MCTP1: variants seen among roughly 807,000 people sequenced by gnomAD.
MCTP1 encodes multiple C2 and transmembrane domain-containing protein 1.
In MCTP1, 69 loss-of-function variants were observed where a neutral mutation model predicts 120.6. The ratio of observed to expected loss-of-function variants is 0.57; its 90% CI spans 0.47 to 0.70. The LOEUF is 0.70. Ranked by LOEUF, MCTP1 falls within the 30% of genes least tolerant of loss-of-function variation. The pLI is 0.00. For synonymous variants in MCTP1, 529 were observed against 493.1 expected (o/e 1.07, Z -0.96); for missense variants, 1,203 against 1,248.8 (o/e 0.96, Z 0.55).
intron 1 of MCTP1, among the ~76,000 whole-genome samples, chr5:95,224,817 G>T (rs1754078965): frequency 6.6e-6 from 1 of 152,022 alleles, no homozygotes; most frequent in Admixed American, 6.6e-5. Context: ...AGCCTAGGCT[G>T]CCTCTTTAAC....
intron 10 of MCTP1, among the ~76,000 whole-genome samples, chr5:94,908,594 G>A (rs746560244): frequency 1.3e-5 from 2 of 151,874 alleles, no homozygotes; most frequent in Non-Finnish European, 2.9e-5. Context: ...AGGTTTCAAT[G>A]TGTTTTGCTA....
rs1188219704 is a variant in MCTP1 at position 94,796,596 on chromosome 5, CATAT to C, written c.2556+2413_2556+2416del. On this transcript the variant is annotated intron_variant, in intron 18 of 22. Coordinates refer to ENST00000515393, the MANE Select transcript of MCTP1 (RefSeq NM_024717.7). ...GTATCCACATACACACACACACACACATATATATAATATATATAATATATATAAT... is the reference window on the plus strand; with the variant it reads ...GTATCCACATACACACACACACACACATATAATATATATAATATATATAAT... Among the ~76,000 whole-genome samples, 406 of 122,194 alleles carry C rather than the reference CATAT, an allele frequency of 3.3e-3. 1 individual carries two copies. Among genetic ancestry groups the C allele is most frequent in the African/African-American group, 0.011 (367 of 32,868 alleles). The allele number at this position is 122,194 out of a possible 152,430, so 80.2% of individuals were successfully genotyped here.
chr5:94,903,533 T>C (rs956069043), intron 10 of MCTP1, among the ~76,000 whole-genome samples: 12 of 152,242 alleles, frequency 7.9e-5, no homozygotes, highest in Non-Finnish European at 1.6e-4. Flanking sequence ...CTGTAGATTT[T>C]GAAAGCATTT....
chr5:95,026,503 T>C (rs184385242), intron 1 of MCTP1, among the ~76,000 whole-genome samples: 43 of 152,306 alleles, frequency 2.8e-4, no homozygotes, highest in Admixed American at 1.1e-3. Context: ...TCCATTGTTT[T>C]AATTTTTAGC....
At chr5:95,229,060 G>C (rs972699235) in intron 1 of MCTP1, among the ~76,000 whole-genome samples, 3 of 152,202 alleles carry the variant, frequency 2.0e-5, no homozygotes, top group Non-Finnish European at 2.9e-5. Flanking sequence ...ATGAGCACTT[G>C]ATATGCTTTA....
chr5:95,228,487 A>AGAGC (rs1164969414), intron 1 of MCTP1, among the ~76,000 whole-genome samples: 65 of 148,712 alleles, frequency 4.4e-4, no homozygotes, highest in Admixed American at 1.6e-3. Context: ...AGAGAGAGAG[A>AGAGC]GAGAGCGAGA....
At chr5:95,094,833 C>G (rs2152348966) in intron 1 of MCTP1, among the ~76,000 whole-genome samples, 1 of 152,042 alleles carries the variant, frequency 6.6e-6, no homozygotes, top group South Asian at 2.1e-4. Flanking sequence ...TCAAGATTTT[C>G]TGTTAATATA....
intron 2 of MCTP1, among the ~76,000 whole-genome samples, chr5:94,961,664 C>CT (rs1186623283): frequency 6.6e-6 from 1 of 152,130 alleles, no homozygotes; most frequent in African/African-American, 2.4e-5. Context: ...TTAAAGATCC[C>CT]TGGAGAAGGT....
chr5:94,798,863 T>G (rs568562598), intron 18 of MCTP1, 150 bp downstream of exon 18: 18 of 657,344 alleles, frequency 2.7e-5, no homozygotes, highest in Admixed American at 1.3e-4. Context: ...GACCAAAGAG[T>G]TGTTAGTTTT....
chr5:95,076,316 C>T (rs911803847), intron 1 of MCTP1, among the ~76,000 whole-genome samples: 6 of 152,122 alleles, frequency 3.9e-5, no homozygotes, highest in Non-Finnish European at 8.8e-5. Flanking sequence ...CATGAACATT[C>T]ATTTGTTTAC....
intron 19 of MCTP1, among the ~76,000 whole-genome samples, chr5:94,718,941 G>A (rs761083922): frequency 1.1e-4 from 17 of 152,144 alleles, no homozygotes; most frequent in Non-Finnish European, 1.6e-4. Context: ...GGCTGGTCTC[G>A]AACTCCTGAC....
At chr5:94,741,441 T>G (rs1765512028) in intron 19 of MCTP1, among the ~76,000 whole-genome samples, 1 of 152,200 alleles carries the variant, frequency 6.6e-6, no homozygotes. Context: ...ATATCTGCTT[T>G]TGGTAAATAA....
intron 17 of MCTP1, among the ~76,000 whole-genome samples, chr5:94,841,207 C>A (rs996045184): frequency 3.3e-5 from 5 of 152,142 alleles, no homozygotes; most frequent in Admixed American, 2.0e-4. Flanking sequence ...GGCATATCCC[C>A]AGGACAGAAA....
intron 17 of MCTP1, among the ~76,000 whole-genome samples, chr5:94,824,147 C>G (rs1406948483): frequency 1.3e-5 from 2 of 152,160 alleles, no homozygotes; most frequent in African/African-American, 4.8e-5. Flanking sequence ...ATTCTTCCAG[C>G]TTTTGCCCAT....
chr5:94,741,792 T>C (rs1765581082), intron 19 of MCTP1, among the ~76,000 whole-genome samples: 1 of 152,234 alleles, frequency 6.6e-6, no homozygotes, highest in African/African-American at 2.4e-5. Context: ...GAGGGGCAAA[T>C]GCTTGCATGC....
chr5:95,032,375 T>C (rs1840465293), intron 1 of MCTP1, among the ~76,000 whole-genome samples: 1 of 152,028 alleles, frequency 6.6e-6, no homozygotes, highest in African/African-American at 2.4e-5. Context: ...ATAACTGAAA[T>C]CATATAAAGC....
intron 1 of MCTP1, among the ~76,000 whole-genome samples, chr5:95,178,451 C>T (rs905331255): frequency 2.0e-5 from 3 of 152,184 alleles, no homozygotes; most frequent in African/African-American, 7.2e-5. Context: ...CAACACAAAA[C>T]CAGCACACTA....
At chr5:94,957,097 C>T (rs1581565700) in intron 2 of MCTP1, among the ~76,000 whole-genome samples, 2 of 152,264 alleles carry the variant, frequency 1.3e-5, no homozygotes, top group African/African-American at 4.8e-5. Flanking sequence ...CCAGAAGAGA[C>T]TGGGGGCCAA....
Position 94,854,598 on chromosome 5 carries a change from G to A in MCTP1, c.2436+13735C>T, listed in dbSNP as rs537811072. Among the ~76,000 whole-genome samples, 8 of 151,860 alleles carry A rather than the reference G, an allele frequency of 5.3e-5. No individual in the cohort carries two copies. The South Asian group carries it at 1.5e-3, about 28-fold the overall frequency. On this transcript the variant is annotated intron_variant, in intron 17 of 22. Coordinates refer to ENST00000515393, the MANE Select transcript of MCTP1 (RefSeq NM_024717.7). The stretch of plus-strand genomic sequence containing the variant: ...TGTTTCTATGACAATTACCGAGCTC[G>A]CTGACTAAGGAGTAGGTGACCAACT...
Sources: gnomAD v4.1 joint callset for allele counts (sites outside exome capture counted in the v4.1 genomes callset) on GRCh38, gnomAD v4.1.1 for gene constraint, MANE v1.5 for transcripts, NCBI Gene and HGNC (gene_info 2026-07-23, HGNC 2026-07-21) for gene names.